The following JPH2 variants were observed in gnomAD, a reference collection of about 807,000 sequenced individuals.
The protein encoded by JPH2 is junctophilin 2.
In JPH2, 38 loss-of-function variants were observed where a neutral mutation model predicts 55.9. That is an observed-to-expected ratio of 0.68 (90% CI 0.52 to 0.89). JPH2 has a LOEUF of 0.89. Ranked by LOEUF, JPH2 falls within the 40% of genes least tolerant of loss-of-function variation. The probability of loss-of-function intolerance (pLI) is 0.00; values close to 1 mark genes in which losing one functional copy is unlikely to be tolerated. For synonymous variants in JPH2, 480 were observed against 472.4 expected, an observed-to-expected ratio of 1.02 and a Z score of -0.21; for missense variants, 964 against 1,037.6, an observed-to-expected ratio of 0.93 and a Z score of 0.97.
chr20:44,175,968 G>A (rs2072730301), intron 1 of JPH2, among the ~76,000 whole-genome samples: 1 of 152,120 alleles, frequency 6.6e-6, no homozygotes, highest in Non-Finnish European at 1.5e-5. Context: ...TCTCACCCAT[G>A]GTGTCCAGTA....
intron 3 of JPH2, among the ~76,000 whole-genome samples, chr20:44,117,796 A>G (rs2072205143): frequency 6.6e-6 from 1 of 152,130 alleles, no homozygotes; most frequent in Non-Finnish European, 1.5e-5. Flanking sequence ...TTCTAACCGC[A>G]CAGTGCTCAT....
In JPH2 at chr20:44,167,752, A is replaced by G. The variant is rs188364084; in HGVS notation, c.380-7345T>C. Among the ~76,000 whole-genome samples, 496 of 152,300 alleles carry G rather than the reference A, an allele frequency of 3.3e-3. 6 individuals are homozygous for G. The highest frequency in any genetic ancestry group is 2.2e-3 in the Non-Finnish European group (151 of 68,024). On this transcript the variant is annotated intron_variant, in intron 1 of 5. Transcript: ENST00000372980. ...AAACTATTTAAGCCTGCGGAGCCTCAGTTTGTCATTCTGTAAAATGGAAAT... is the reference window on the plus strand; with the variant it reads ...AAACTATTTAAGCCTGCGGAGCCTCGGTTTGTCATTCTGTAAAATGGAAAT...
chr20:44,184,835 G>GT (rs2072818827), intron 1 of JPH2, among the ~76,000 whole-genome samples: 1 of 152,196 alleles, frequency 6.6e-6, no homozygotes, highest in African/African-American at 2.4e-5. Flanking sequence ...TCCATTTAAA[G>GT]TATTTCCTGA....
Position 44,156,416 on chromosome 20 carries a change from G to C in JPH2, c.1169+3202C>G, listed in dbSNP as rs73908583. On this transcript the variant is annotated intron_variant, in intron 2 of 5. Coordinates refer to ENST00000372980, the MANE Select transcript of JPH2 (RefSeq NM_020433.5). ...TTACTCACAGAAGTGTTCAGGTTTAGACAATAAATTATATGAGCACCTGGT... is the reference window on the plus strand; with the variant it reads ...TTACTCACAGAAGTGTTCAGGTTTACACAATAAATTATATGAGCACCTGGT... Among the ~76,000 whole-genome samples the C allele has an allele frequency of 9.8e-3, 1,490 of 152,250 alleles. 27 individuals are homozygous for C. Among genetic ancestry groups the C allele is most frequent in the African/African-American group, 0.034 (1,421 of 41,534 alleles).
At chr20:44,114,903 G>C in intron 4 of JPH2, 27 bp from the exon 5 acceptor site, 1 of 1,563,526 alleles carries the variant, frequency 6.4e-7, no homozygotes, top group African/African-American at 1.3e-5. Flanking sequence ...GAGGCTTCCT[G>C]AGTCCCCATG....
In JPH2 at chr20:44,186,561, C is replaced by T. The variant is rs1193192844; in HGVS notation, c.145G>A (p.Ala49Thr). The stretch of plus-strand genomic sequence containing the variant: ...CCGCTGGGCCAGGTGTAGACACCTG[C>T]CACCTCAAAGCCAAAGTTCCAGGAG... The part of the protein sequence containing the change: ...SGSWNFGFEV[A>T]GVYTWPSGNT... The change falls in exon 1 of 6, where the codon GCA (alanine) becomes ACA (threonine). Residue 49 changes from alanine (A) to threonine (T), a missense_variant. Coordinates refer to ENST00000372980, the MANE Select transcript of JPH2 (RefSeq NM_020433.5). 1 of 1,613,766 alleles carries T rather than the reference C, an allele frequency of 6.2e-7. No individual in the cohort carries two copies. Among genetic ancestry groups the T allele is most frequent in the Non-Finnish European group, 8.5e-7 (1 of 1,179,732 alleles).
intron 1 of JPH2, among the ~76,000 whole-genome samples, chr20:44,182,954 G>A (rs183462449): frequency 6.6e-6 from 1 of 152,222 alleles, no homozygotes; most frequent in East Asian, 1.9e-4. Flanking sequence ...ATGGGCCTAT[G>A]GTTTCCTATG....
rs6103664 is a variant in JPH2 at position 44,164,421 on chromosome 20, T to C, written c.380-4014A>G. ...AAAAGTAATACCCACTTTCCAGGGG[T>C]CTTTTGAGGATTAAAAATAAGACAA... On this transcript the variant is annotated intron_variant, in intron 1 of 5. Transcript: ENST00000372980. Among the ~76,000 whole-genome samples, 692 of 152,186 alleles carry C rather than the reference T, an allele frequency of 4.5e-3. 8 individuals carry two copies. The highest frequency in any genetic ancestry group is 0.016 in the African/African-American group (644 of 41,500).
intron 1 of JPH2, among the ~76,000 whole-genome samples, chr20:44,179,664 G>C (rs2072764491): frequency 6.6e-6 from 1 of 151,982 alleles, no homozygotes; most frequent in African/African-American, 2.4e-5. Context: ...TTAAAGAAGG[G>C]GTCCACATTT....
chr20:44,170,519 T>C (rs1422156499), intron 1 of JPH2, among the ~76,000 whole-genome samples: 1 of 152,122 alleles, frequency 6.6e-6, no homozygotes, highest in Non-Finnish European at 1.5e-5. Flanking sequence ...GGTTAATGGC[T>C]CTTGTCCAAG....
At position 44,187,140 on chromosome 20, in the gene JPH2, C is replaced by T. The variant is rs908529738; in HGVS notation, c.-435G>A. On this transcript the variant is annotated 5_prime_UTR_variant, in exon 1 of 6. Coordinates refer to ENST00000372980, the MANE Select transcript of JPH2 (RefSeq NM_020433.5). ...CAGCCCCCGCCGGAGGCTGAATTCC[C>T]GCAGCCCGCTGGCCCCCTTCTCCAC... is the stretch of plus-strand genomic sequence containing the variant. The T allele has an allele frequency of 3.8e-4, 72 of 189,340 alleles. No homozygotes were observed. The highest frequency in any genetic ancestry group is 1.6e-3 in the Admixed American group (29 of 18,298). 11.7% of individuals were successfully genotyped at this position (189,340 alleles called of 1,614,324 possible).
chr20:44,155,918 C>A (rs772426770), intron 2 of JPH2, among the ~76,000 whole-genome samples: 16 of 152,026 alleles, frequency 1.1e-4, no homozygotes, highest in Non-Finnish European at 1.8e-4. Context: ...CACCTGTGGT[C>A]CCAGCTACTT....
At chr20:44,134,814 TAA>T (rs1465675779) in intron 2 of JPH2, among the ~76,000 whole-genome samples, 1 of 114,168 alleles carries the variant, frequency 8.8e-6, no homozygotes, top group Non-Finnish European at 1.7e-5. Flanking sequence ...TAAATATATA[TAA>T]ATATTTATAA....
In JPH2 at chr20:44,108,318, CA is replaced by C. The variant is rs544326005; in HGVS notation, c.*5199del. Among the ~76,000 whole-genome samples the C allele has an allele frequency of 2.6e-5, 4 of 152,206 alleles. No individual in the cohort carries two copies. In the East Asian group the frequency reaches 7.7e-4, roughly 29 times the overall value. ...CTGATTCGCATTCTTTGCTTGTAAT[CA>C]ATGTGACTTGAGTAGAATAGCTTTC... On this transcript the variant is annotated 3_prime_UTR_variant, in exon 6 of 6. Coordinates refer to ENST00000372980, the MANE Select transcript of JPH2 (RefSeq NM_020433.5).
At chr20:44,179,113 ATAG>A (rs143272473) in intron 1 of JPH2, among the ~76,000 whole-genome samples, 8 of 152,176 alleles carry the variant, frequency 5.3e-5, no homozygotes, top group South Asian at 4.1e-4. Flanking sequence ...TGTAACAATA[ATAG>A]TAGTAGTAGT....
At chr20:44,145,416 C>T (rs1324745663) in intron 2 of JPH2, among the ~76,000 whole-genome samples, 1 of 152,028 alleles carries the variant, frequency 6.6e-6, no homozygotes, top group Non-Finnish European at 1.5e-5. Flanking sequence ...ACCAGCCTGG[C>T]CAACATAGTG....
chr20:44,186,282 C>G, intron 1 of JPH2, 45 bp downstream of exon 1: 1 of 1,602,100 alleles, frequency 6.2e-7, no homozygotes. Context: ...GTTTCTCACC[C>G]TCCCTGGCTC....
chr20:44,156,634 A>T (rs1463564386), intron 2 of JPH2, among the ~76,000 whole-genome samples: 1 of 152,190 alleles, frequency 6.6e-6, no homozygotes, highest in East Asian at 1.9e-4. Context: ...ATCCTCACAC[A>T]GCAGAAGGCG....
At chr20:44,134,740 TAAAG>T (rs377050697) in intron 2 of JPH2, among the ~76,000 whole-genome samples, 3,623 of 59,674 alleles carry the variant, frequency 0.061, 182 homozygotes, top group East Asian at 0.15. Context: ...TATAAATATA[TAAAG>T]ATATATTTAT....
Sources: allele counts gnomAD v4.1 joint callset (sites outside exome capture counted in the v4.1 genomes callset), GRCh38; gene constraint gnomAD v4.1.1; transcripts MANE v1.5; gene names NCBI Gene and HGNC (gene_info 2026-07-23, HGNC 2026-07-21).